MAP3K9: variants seen among roughly 807,000 people sequenced by gnomAD.
MAP3K9 encodes the protein mixed lineage kinase 1 (tyr and ser/thr specificity).
Under a neutral mutation model 95.8 loss-of-function variants are expected in MAP3K9, and 46 were observed. The ratio of observed to expected loss-of-function variants is 0.48; its 90% CI spans 0.38 to 0.61. The LOEUF is 0.61. Among genes scored for constraint, MAP3K9 ranks in the 20% least tolerant of loss-of-function variants. MAP3K9 has a pLI of 0.00. For missense variants in MAP3K9, 1,296 were observed against 1,474.3 expected, an observed-to-expected ratio of 0.88 and a Z score of 1.98; for synonymous variants, 533 against 593.8, an observed-to-expected ratio of 0.90 and a Z score of 1.49.
At chr14:70,747,964 C>T (rs1473107028) in intron 5 of MAP3K9, among the ~76,000 whole-genome samples, 1 of 151,938 alleles carries the variant, frequency 6.6e-6, no homozygotes, top group Admixed American at 6.6e-5. Context: ...AGAAATTAGC[C>T]GGGCGAGGTG....
At position 70,800,341 on chromosome 14, in the gene MAP3K9, AT is replaced by A. The variant is rs140320125; in HGVS notation, c.820+325del. On this transcript the variant is annotated intron_variant, in intron 2 of 11. Transcript: ENST00000554752. ...AGAGGAAAATCCCTTTTGTGATAAT[AT>A]TCACACTTCCCACAAGTTTTGTGCA... Among the ~76,000 whole-genome samples the A allele has an allele frequency of 2.5e-3, 381 of 152,212 alleles. 2 individuals are homozygous for A. The highest frequency in any genetic ancestry group is 8.9e-3 in the African/African-American group (369 of 41,530).
In MAP3K9 at chr14:70,733,256, G is replaced by A. The variant is rs931525178; in HGVS notation, c.2113C>T (p.Arg705Cys). ...SQSYLCIPFP[R>C]GEDGDGPSSD... ...GAGGGGCCATCGCCATCCTCTCCAC[G>A]AGGGAATGGGATACAGAGGTAGGAC... The change falls in exon 11 of 12, where the codon CGT becomes TGT. Residue 705 changes from arginine to cysteine, a missense_variant. Arg to Cys is a radical substitution (Grantham distance 180). Transcript: ENST00000554752. 7.4e-6 allele frequency: 12 copies of A among 1,612,294 alleles called. No individual in the cohort carries two copies. Among genetic ancestry groups the A allele is most frequent in the African/African-American group, 5.3e-5 (4 of 74,884 alleles).
At position 70,808,800 on chromosome 14, in the gene MAP3K9, G is replaced by A; in HGVS notation, c.372C>T (p.Gly124=). 2 of 1,568,238 alleles carry A rather than the reference G, an allele frequency of 1.3e-6. No homozygotes were observed. The highest frequency in any genetic ancestry group is 1.7e-6 in the Non-Finnish European group (2 of 1,157,782). Residue 124 remains glycine (G), a synonymous_variant, in exon 1 of 12, where the codon GGC becomes GGT. Coordinates refer to ENST00000554752, the MANE Select transcript of MAP3K9 (RefSeq NM_001284230.2). ...RSAFSSRCQP[G]GEDPSCYPPI... Reference sequence around the variant, plus strand: ...GCGGGTAGCAACTGGGGTCCTCGCCGCCGGGCTGGCAGCGGCTGGAGAAGG... The same window carrying A: ...GCGGGTAGCAACTGGGGTCCTCGCCACCGGGCTGGCAGCGGCTGGAGAAGG...
chr14:70,808,257 C>T (rs1342409040), intron 1 of MAP3K9, among the ~76,000 whole-genome samples: 1 of 152,228 alleles, frequency 6.6e-6, no homozygotes, highest in African/African-American at 2.4e-5. Context: ...ACACATGCTT[C>T]CGGGACTTGT....
chr14:70,769,047 T>C (rs979090380), intron 2 of MAP3K9, among the ~76,000 whole-genome samples: 1 of 152,180 alleles, frequency 6.6e-6, no homozygotes, highest in Admixed American at 6.6e-5. Flanking sequence ...ACATGTAACA[T>C]GTACAAATGT....
chr14:70,734,680 C>G (rs1267770541), intron 9 of MAP3K9, among the ~76,000 whole-genome samples, 182 bp from the exon 10 acceptor site: 1 of 152,198 alleles, frequency 6.6e-6, no homozygotes, highest in African/African-American at 2.4e-5. Flanking sequence ...TGCACATGCT[C>G]CAGGGAAGAA....
chr14:70,768,433 C>T (rs1433781085), intron 2 of MAP3K9, among the ~76,000 whole-genome samples: 3 of 152,000 alleles, frequency 2.0e-5, no homozygotes, highest in Non-Finnish European at 2.9e-5. Flanking sequence ...GTGGCAGACC[C>T]GCATATGGTC....
At chr14:70,799,409 G>A (rs973776436) in intron 2 of MAP3K9, among the ~76,000 whole-genome samples, 4 of 152,020 alleles carry the variant, frequency 2.6e-5, no homozygotes, top group South Asian at 2.1e-4. Context: ...GCACAATCTC[G>A]GCTCACTGCA....
intron 3 of MAP3K9, among the ~76,000 whole-genome samples, chr14:70,754,673 A>ATG (rs2054274507): frequency 6.6e-6 from 1 of 152,056 alleles, no homozygotes. Context: ...GGGTTTCACC[A>ATG]TGTTAGCCAG....
rs1056984201 is a variant in MAP3K9 at position 70,760,910 on chromosome 14, G to C, written c.1001+92C>G. 4.1e-5 allele frequency: 57 copies of C among 1,392,064 alleles called. 1 individual carries two copies. Among genetic ancestry groups the C allele is most frequent in the South Asian group, 3.5e-4 (27 of 77,368 alleles). 86.2% of individuals were successfully genotyped at this position (1,392,064 alleles called of 1,614,324 possible). The stretch of plus-strand genomic sequence containing the variant: ...ACTTAGACCTACTTCAGGTGCCTGG[G>C]ATCCTAGGTAACCTCAATTCTCCAA... On this transcript the variant is annotated intron_variant, in intron 3 of 11. Transcript: ENST00000554752.
At chr14:70,797,648 G>GA (rs1378153144) in intron 2 of MAP3K9, among the ~76,000 whole-genome samples, 4 of 152,080 alleles carry the variant, frequency 2.6e-5, no homozygotes, top group African/African-American at 7.2e-5. Flanking sequence ...CGAGGCAGGA[G>GA]AATTACTTGA....
In MAP3K9 at chr14:70,739,919, T is replaced by C. The variant is rs1167177967; in HGVS notation, c.1690+123A>G. ...GTACATATGTGCATGTATATACACA[T>C]TGTCGAGGAGAGGTGGCAGAAGTTA... is the stretch of plus-strand genomic sequence containing the variant. On this transcript the variant is annotated intron_variant, in intron 7 of 11. Coordinates refer to ENST00000554752, the MANE Select transcript of MAP3K9 (RefSeq NM_001284230.2). 3.1e-6 allele frequency: 5 copies of C among 1,613,370 alleles called. No individual in the cohort carries two copies. The Admixed American group carries it at 6.7e-5, about 22-fold the overall frequency.
chr14:70,783,258 A>T (rs985989564), intron 2 of MAP3K9: 9 of 953,328 alleles, frequency 9.4e-6, no homozygotes, highest in Non-Finnish European at 1.0e-5. Flanking sequence ...TGTCCAAACA[A>T]CGGTAAGGTG....
At chr14:70,761,606 T>C (rs145731692) in intron 2 of MAP3K9, among the ~76,000 whole-genome samples, 3,006 of 152,246 alleles carry the variant, frequency 0.02, 102 homozygotes, top group African/African-American at 0.067. Context: ...CTACTAAAAA[T>C]ACAAAAAATT....
At chr14:70,749,142 C>T (rs2054191428) in intron 4 of MAP3K9, 138 bp from the exon 5 acceptor site, 1 of 782,348 alleles carries the variant, frequency 1.3e-6, no homozygotes, top group South Asian at 2.0e-5. Context: ...TTTAGGTAAC[C>T]TCAAATAAGG....
chr14:70,779,669 C>T (rs12883244), intron 2 of MAP3K9, among the ~76,000 whole-genome samples: 80,093 of 152,028 alleles, frequency 0.53, 21,159 homozygotes, highest in South Asian at 0.62. Context: ...GCTTCTGCAG[C>T]CACAAACACC....
intron 1 of MAP3K9, among the ~76,000 whole-genome samples, chr14:70,807,618 G>A (rs1033147444): frequency 1.3e-5 from 2 of 152,094 alleles, no homozygotes; most frequent in African/African-American, 2.4e-5. Context: ...TGCTAATGAC[G>A]TTTTAAAAAA....
intron 2 of MAP3K9, among the ~76,000 whole-genome samples, chr14:70,781,581 T>C (rs2054676706): frequency 6.6e-6 from 1 of 152,244 alleles, no homozygotes; most frequent in African/African-American, 2.4e-5. Context: ...TAGTCTCATA[T>C]CTGCTGCTGC....
chr14:70,776,605 T>C (rs182517046), intron 2 of MAP3K9, among the ~76,000 whole-genome samples: 14 of 152,250 alleles, frequency 9.2e-5, no homozygotes, highest in Admixed American at 2.0e-4. Flanking sequence ...AAGGAATCCC[T>C]ACGATCTTAA....
Sources: allele counts gnomAD v4.1 joint callset (sites outside exome capture counted in the v4.1 genomes callset), GRCh38; gene constraint gnomAD v4.1.1; transcripts MANE v1.5; gene names NCBI Gene and HGNC (gene_info 2026-07-23, HGNC 2026-07-21).